Variants in RXFP1 observed in about 807,000 individuals in gnomAD.
RXFP1 encodes the protein relaxin receptor 1.
Under a neutral mutation model 89.8 loss-of-function variants are expected in RXFP1, and 73 were observed. The observed-to-expected ratio is 0.81, with a 90% CI of 0.67 to 0.99. The LOEUF is 0.99. Among genes scored for constraint, RXFP1 ranks in the 50% least tolerant of loss-of-function variants. The pLI is 0.00. For synonymous variants in RXFP1, 277 were observed against 305.5 expected, an observed-to-expected ratio of 0.91 and a Z score of 0.97; for missense variants, 793 against 895.5, an observed-to-expected ratio of 0.89 and a Z score of 1.46.
chr4:158,615,323 G>C (rs925908577), intron 8 of RXFP1, among the ~76,000 whole-genome samples: 6 of 152,058 alleles, frequency 3.9e-5, no homozygotes, highest in Middle Eastern at 3.4e-3. Flanking sequence ...GATCATCTGA[G>C]GTCAGGAGTT....
In RXFP1 at chr4:158,589,582, T is replaced by A. The variant is rs1437877100; in HGVS notation, c.188-3819T>A. Reference sequence around the variant, plus strand: ...TTTACCTCAAGTAAAGTAACTCATGTGTCTTCAAACAAACTACAACTAACC... The same window carrying A: ...TTTACCTCAAGTAAAGTAACTCATGAGTCTTCAAACAAACTACAACTAACC... On this transcript the variant is annotated intron_variant, in intron 2 of 17. Coordinates refer to ENST00000307765, the MANE Select transcript of RXFP1 (RefSeq NM_021634.4). 2.0e-5 allele frequency among the ~76,000 whole-genome samples: 3 copies of A among 152,166 alleles called. No homozygotes were observed. In the East Asian group the frequency reaches 5.8e-4, roughly 29 times the overall value.
chr4:158,529,223 T>C (rs1482418566), intron 1 of RXFP1, among the ~76,000 whole-genome samples: 1 of 103,446 alleles, frequency 9.7e-6, no homozygotes, highest in Non-Finnish European at 2.2e-5. Context: ...AAGTCTGATC[T>C]CTTTTTTTGC....
chr4:158,623,883 G>A (rs531245888), intron 9 of RXFP1, among the ~76,000 whole-genome samples: 20 of 152,250 alleles, frequency 1.3e-4, no homozygotes, highest in African/African-American at 4.6e-4. Flanking sequence ...CTTGTACCAT[G>A]AAGACAAGGG....
intron 3 of RXFP1, among the ~76,000 whole-genome samples, chr4:158,596,448 C>T (rs1205132836): frequency 1.3e-5 from 2 of 151,828 alleles, no homozygotes; most frequent in South Asian, 2.1e-4. Flanking sequence ...TTAGTAGAAA[C>T]GAGATTTCTC....
intron 1 of RXFP1, among the ~76,000 whole-genome samples, chr4:158,555,837 G>A (rs1751155327): frequency 6.6e-6 from 1 of 152,126 alleles, no homozygotes; most frequent in Non-Finnish European, 1.5e-5. Context: ...AGAAAATACA[G>A]TCTTTTCAAT....
At chr4:158,631,645 A>G (rs1768054394) in intron 11 of RXFP1, among the ~76,000 whole-genome samples, 1 of 152,218 alleles carries the variant, frequency 6.6e-6, no homozygotes, top group Admixed American at 6.5e-5. Flanking sequence ...AATGAAGTCT[A>G]GAAGGATGAA....
At chr4:158,557,853 T>C (rs2149921806) in intron 1 of RXFP1, among the ~76,000 whole-genome samples, 1 of 152,334 alleles carries the variant, frequency 6.6e-6, no homozygotes, top group South Asian at 2.1e-4. Flanking sequence ...ACTGCTTCAC[T>C]GGAGCTCCAG....
chr4:158,522,651 T>A (rs1201557995), intron 1 of RXFP1, among the ~76,000 whole-genome samples: 1 of 152,218 alleles, frequency 6.6e-6, no homozygotes, highest in African/African-American at 2.4e-5. Context: ...TCAGAAAATC[T>A]TTTTTAAATT....
At chr4:158,598,007 C>T (rs1561094147) in intron 3 of RXFP1, among the ~76,000 whole-genome samples, 1 of 152,130 alleles carries the variant, frequency 6.6e-6, no homozygotes, top group South Asian at 2.1e-4. Flanking sequence ...CCTGTGAAGA[C>T]GTCTCTGGAG....
At chr4:158,527,407 G>T (rs1466204994) in intron 1 of RXFP1, among the ~76,000 whole-genome samples, 2 of 151,386 alleles carry the variant, frequency 1.3e-5, no homozygotes, top group South Asian at 4.2e-4. Flanking sequence ...GCCGGGCGTG[G>T]TGGTGGGCGT....
chr4:158,575,706 C>T (rs183696964), intron 2 of RXFP1, among the ~76,000 whole-genome samples: 10 of 152,240 alleles, frequency 6.6e-5, no homozygotes, highest in African/African-American at 2.2e-4. Context: ...CTTGGACCTC[C>T]CAGTCTCCAG....
chr4:158,643,704 T>G (rs929039531), intron 14 of RXFP1, among the ~76,000 whole-genome samples: 2 of 151,708 alleles, frequency 1.3e-5, no homozygotes, highest in Admixed American at 1.3e-4. Context: ...ATCTCCTGAC[T>G]GCGTGATCCA....
chr4:158,623,663 G>A (rs1766119901), intron 9 of RXFP1, among the ~76,000 whole-genome samples: 1 of 152,018 alleles, frequency 6.6e-6, no homozygotes, highest in South Asian at 2.1e-4. Context: ...CTTTCTTTGG[G>A]ACAGCAACAT....
chr4:158,584,549 T>C (rs1315034241), intron 2 of RXFP1, among the ~76,000 whole-genome samples: 1 of 152,208 alleles, frequency 6.6e-6, no homozygotes, highest in Non-Finnish European at 1.5e-5. Context: ...TAGCCTTTCA[T>C]TTTCATAAAT....
intron 5 of RXFP1, chr4:158,606,916 T>C: frequency 1.4e-6 from 1 of 699,798 alleles, no homozygotes; most frequent in South Asian, 1.6e-5. Flanking sequence ...ACAATCAAAG[T>C]TAGGTTTTCT....
chr4:158,628,725 C>T lies in RXFP1; in HGVS notation c.899+16C>T, dbSNP rs750408761. ...TGGATGAATTGTAAGTATGACTGAA[C>T]ATATACTGATAAGAATTTTCTTTCT... On this transcript the variant is annotated intron_variant, in intron 11 of 17. Transcript: ENST00000307765. The T allele has an allele frequency of 2.9e-6, 4 of 1,392,690 alleles. No individual in the cohort carries two copies. Among genetic ancestry groups the T allele is most frequent in the Non-Finnish European group, 3.0e-6 (3 of 997,808 alleles). The allele number at this position is 1,392,690 out of a possible 1,614,324, so 86.3% of individuals were successfully genotyped here. A position where few individuals can be genotyped will look rare whatever the true frequency, so the allele number is the denominator to read the frequency against.
chr4:158,528,389 C>T (rs1008866095), intron 1 of RXFP1, among the ~76,000 whole-genome samples: 3 of 152,052 alleles, frequency 2.0e-5, no homozygotes, highest in African/African-American at 4.8e-5. Flanking sequence ...ATCTGTAGTT[C>T]CAGCTACTCG....
intron 3 of RXFP1, 95 bp from the exon 4 acceptor site, chr4:158,599,231 T>C (rs749393355): frequency 5.1e-6 from 8 of 1,574,768 alleles, no homozygotes; most frequent in African/African-American, 2.7e-5. Context: ...TTGTACTAAA[T>C]GATTTTCTCA....
intron 2 of RXFP1, among the ~76,000 whole-genome samples, chr4:158,587,167 G>A (rs1215324037): frequency 1.3e-5 from 2 of 152,184 alleles, no homozygotes; most frequent in African/African-American, 4.8e-5. Flanking sequence ...GTGAAGCGAG[G>A]CCCTGGTAGG....
Sources: gnomAD v4.1 joint callset for allele counts (sites outside exome capture counted in the v4.1 genomes callset) on GRCh38, gnomAD v4.1.1 for gene constraint, MANE v1.5 for transcripts, NCBI Gene and HGNC (gene_info 2026-07-23, HGNC 2026-07-21) for gene names.